COL18A1: variants seen among roughly 807,000 people sequenced by gnomAD.
The protein encoded by COL18A1 is collagen alpha-1(XVIII) chain.
Under a neutral mutation model 168.0 loss-of-function variants are expected in COL18A1, and 133 were observed. The observed-to-expected ratio is 0.79, with a 90% CI of 0.69 to 0.91. The LOEUF is 0.91. COL18A1 is among the 40% of genes least tolerant of loss of function. The pLI is 0.00. For synonymous variants in COL18A1, 949 were observed against 809.0 expected, an observed-to-expected ratio of 1.17 and a Z score of -2.94; for missense variants, 2,126 against 1,925.4, an observed-to-expected ratio of 1.10 and a Z score of -1.95.
At chr21:45,452,953 CAT>C (rs371545403) in intron 2 of COL18A1, among the ~76,000 whole-genome samples, 3,469 of 151,026 alleles carry the variant, frequency 0.023, 55 homozygotes, top group Middle Eastern at 0.064. Context: ...CATGTATGTA[CAT>C]GTGTGACCTT....
In COL18A1 at chr21:45,511,680, C is replaced by T. The variant is rs2037617550; in HGVS notation, c.3809+454C>T. ...TGTCGCTGTGCCCTCCCCACGTGAG[C>T]GCCGCGATTCTTCCAACACTCATGC... On this transcript the variant is annotated intron_variant, in intron 41 of 41. Coordinates refer to ENST00000651438, the MANE Select transcript of COL18A1 (RefSeq NM_001379500.1). Among the ~76,000 whole-genome samples the T allele has an allele frequency of 2.0e-5, 3 of 152,124 alleles. No homozygotes were observed. In the South Asian group the frequency reaches 6.2e-4, roughly 32 times the overall value.
chr21:45,409,586 G>A (rs948271015), intron 2 of COL18A1, among the ~76,000 whole-genome samples: 5 of 152,272 alleles, frequency 3.3e-5, no homozygotes, highest in Non-Finnish European at 5.9e-5. Flanking sequence ...AGCACTGGGC[G>A]GTCACAGGCC....
intron 2 of COL18A1, among the ~76,000 whole-genome samples, chr21:45,450,392 G>C (rs903564049): frequency 1.3e-5 from 2 of 152,156 alleles, no homozygotes; most frequent in Non-Finnish European, 2.9e-5. Flanking sequence ...CACCCGCCAC[G>C]GGCTGAGGCC....
At chr21:45,477,160 C>T (rs1223104361) in intron 6 of COL18A1, among the ~76,000 whole-genome samples, 1 of 152,194 alleles carries the variant, frequency 6.6e-6, no homozygotes, top group Non-Finnish European at 1.5e-5. Flanking sequence ...GGAAGCATCT[C>T]CCAGACTTCA....
chr21:45,408,657 C>G (rs778026694), intron 2 of COL18A1: 2 of 152,278 alleles, frequency 1.3e-5, no homozygotes, highest in East Asian at 3.9e-4. Context: ...CCCCAGCCCC[C>G]GCTGATTGTG....
intron 3 of COL18A1, among the ~76,000 whole-genome samples, chr21:45,469,244 G>A (rs1048500725): frequency 2.6e-5 from 4 of 152,248 alleles, no homozygotes; most frequent in African/African-American, 4.8e-5. Flanking sequence ...AGTGGGGACC[G>A]AGTCCAGGCC....
At chr21:45,490,444 C>T (rs1485194027) in intron 20 of COL18A1, 98 bp downstream of exon 20, 10 of 974,888 alleles carry the variant, frequency 1.0e-5, no homozygotes, top group Middle Eastern at 3.0e-4. Context: ...CCTCCCGGGT[C>T]CCTGGGTCTC....
rs1491422474 is a variant in COL18A1 at position 45,437,940 on chromosome 21, ACT to A, written c.107-30300_107-30299del. On this transcript the variant is annotated intron_variant, in intron 2 of 41. Coordinates refer to ENST00000651438, the MANE Select transcript of COL18A1 (RefSeq NM_001379500.1). ...CACTCTCCTGCACACACACACACAC[ACT>A]CAGACACACAGGCACTCTCCTGCAC... 1.5e-3 allele frequency among the ~76,000 whole-genome samples: 93 copies of A among 62,376 alleles called. 3 individuals are homozygous for A. The highest frequency in any genetic ancestry group is 2.2e-3 in the Non-Finnish European group (76 of 34,656). 40.9% of individuals were successfully genotyped at this position (62,376 alleles called of 152,430 possible).
At chr21:45,504,110 G>A (rs945474768) in intron 33 of COL18A1, 56 bp downstream of exon 33, 3 of 1,582,218 alleles carry the variant, frequency 1.9e-6, no homozygotes, top group African/African-American at 1.3e-5. Flanking sequence ...ATCCCGCTGG[G>A]TGGCTGCTCC....
Position 45,488,360 on chromosome 21 carries a change from C to T in COL18A1, c.1897-58C>T, listed in dbSNP as rs770001622. ...ACTAGCGGGCTTTTCTTGCGGCAGA[C>T]GCATCTCACAGCAGGGCCTCCAGCT... is the stretch of plus-strand genomic sequence containing the variant. On this transcript the variant is annotated intron_variant, in intron 17 of 41. Transcript: ENST00000651438. The T allele has an allele frequency of 3.1e-5, 50 of 1,611,718 alleles. 1 individual carries two copies. Among genetic ancestry groups the T allele is most frequent in the East Asian group, 1.1e-4 (5 of 44,876 alleles).
intron 2 of COL18A1, among the ~76,000 whole-genome samples, chr21:45,446,954 T>G (rs1163834205): frequency 6.6e-6 from 1 of 152,194 alleles, no homozygotes; most frequent in Non-Finnish European, 1.5e-5. Context: ...ACACCATTCA[T>G]GAAAAACACT....
At chr21:45,497,756 G>T in intron 32 of COL18A1, 95 bp downstream of exon 32, 2 of 1,506,884 alleles carry the variant, frequency 1.3e-6, no homozygotes, top group Non-Finnish European at 1.8e-6. Context: ...GCAGGTCCTG[G>T]ACCCTCACTG....
chr21:45,506,247 G>A (rs764173865), intron 37 of COL18A1: 93 of 461,894 alleles, frequency 2.0e-4, no homozygotes, highest in Middle Eastern at 6.4e-4. Context: ...AAAGATAAAT[G>A]TCACCTCACA....
chr21:45,475,025 G>A (rs977120238), intron 4 of COL18A1, among the ~76,000 whole-genome samples: 3 of 152,134 alleles, frequency 2.0e-5, no homozygotes, highest in South Asian at 2.1e-4. Flanking sequence ...GGTCAGTAGC[G>A]GTCCCTGAGG....
chr21:45,480,381 T>TA (rs1379504546), intron 11 of COL18A1, 86 bp from the exon 12 acceptor site: 1 of 1,611,206 alleles, frequency 6.2e-7, no homozygotes, highest in Admixed American at 1.7e-5. Context: ...AACAGCTCGA[T>TA]ATGCAGCTTG....
Position 45,481,952 on chromosome 21 carries a change from C to T in COL18A1, c.1612-11C>T. On this transcript the variant is annotated splice_polypyrimidine_tract_variant and intron_variant, in intron 13 of 41. Coordinates refer to ENST00000651438, the MANE Select transcript of COL18A1 (RefSeq NM_001379500.1). Reference sequence around the variant, plus strand: ...TGCCATCAAGACCCACTATGCTCTGCTCTCCCCCAGGGACCCCCAGGCCCT... The same window carrying T: ...TGCCATCAAGACCCACTATGCTCTGTTCTCCCCCAGGGACCCCCAGGCCCT... 6.2e-7 allele frequency: 1 copy of T among 1,605,180 alleles called. No homozygotes were observed. The highest frequency in any genetic ancestry group is 1.7e-5 in the Admixed American group (1 of 60,004).
At chr21:45,512,085 C>G (rs2037644127) in intron 41 of COL18A1, 103 bp from the exon 42 acceptor site, 6 of 1,294,336 alleles carry the variant, frequency 4.6e-6, no homozygotes, top group Non-Finnish European at 6.6e-6. Context: ...CCCCTGGTAA[C>G]CCCAGGGCTG....
Position 45,455,445 on chromosome 21 carries a change from G to A in COL18A1, c.107-12797G>A. 7 of 1,567,902 alleles carry A rather than the reference G, an allele frequency of 4.5e-6. No individual in the cohort carries two copies. The South Asian group carries it at 7.8e-5, about 17-fold the overall frequency. On this transcript the variant is annotated intron_variant, in intron 2 of 41. Coordinates refer to ENST00000651438, the MANE Select transcript of COL18A1 (RefSeq NM_001379500.1). ...CAGAGGCTGGGAAGCCTGCACAGGG[G>A]AGGGCAGGAGGGCGTGAGCCTGGCT...
chr21:45,456,948 T>C, intron 2 of COL18A1: 1 of 1,261,064 alleles, frequency 7.9e-7, no homozygotes, highest in African/African-American at 1.6e-5. Flanking sequence ...TGGGCGGGGC[T>C]GACGTGAGCC....
Sources: gnomAD v4.1 joint callset for allele counts (sites outside exome capture counted in the v4.1 genomes callset) on GRCh38, gnomAD v4.1.1 for gene constraint, MANE v1.5 for transcripts, NCBI Gene and HGNC (gene_info 2026-07-23, HGNC 2026-07-21) for gene names.